LNP1: variants seen among roughly 807,000 people sequenced by gnomAD.
LNP1 encodes leukemia NUP98 fusion partner 1.
LNP1 carries 12 observed loss-of-function variants against 14.5 expected under a neutral mutation model. The observed-to-expected ratio is 0.83, with a 90% CI of 0.53 to 1.34. The LOEUF is 1.34. LNP1 is among the 40% of genes most tolerant of loss of function. LNP1 has a pLI of 0.00. For missense variants in LNP1, 198 were observed against 210.9 expected (o/e 0.94, Z 0.38); for synonymous variants, 75 against 71.4 (o/e 1.05, Z -0.26).
intron 1 of LNP1, among the ~76,000 whole-genome samples, chr3:100,413,892 C>T (rs1170570951): frequency 6.6e-6 from 1 of 152,214 alleles, no homozygotes; most frequent in Non-Finnish European, 1.5e-5. Context: ...CTTAGCATTG[C>T]TCTAGCATTG....
At chr3:100,403,287 G>C (rs1576222826) in intron 1 of LNP1, among the ~76,000 whole-genome samples, 1 of 152,216 alleles carries the variant, frequency 6.6e-6, no homozygotes, top group Non-Finnish European at 1.5e-5. Context: ...TTAAAGTAAA[G>C]AAGTAAAATA....
chr3:100,406,568 C>T (rs576001477), intron 1 of LNP1, among the ~76,000 whole-genome samples: 3 of 152,088 alleles, frequency 2.0e-5, no homozygotes, highest in East Asian at 3.9e-4. Flanking sequence ...GAGTCTTGCT[C>T]TTGTTGCCCA....
At chr3:100,444,091 C>T (rs905695906) in intron 2 of LNP1, among the ~76,000 whole-genome samples, 1 of 152,196 alleles carries the variant, frequency 6.6e-6, no homozygotes, top group African/African-American at 2.4e-5. Flanking sequence ...ATAAACATTT[C>T]AGCTCTCCAT....
At chr3:100,439,486 C>T (rs1345472191) in intron 2 of LNP1, among the ~76,000 whole-genome samples, 1 of 152,158 alleles carries the variant, frequency 6.6e-6, no homozygotes, top group Non-Finnish European at 1.5e-5. Context: ...AGTGGATCTG[C>T]CCATGTGGTG....
At chr3:100,409,404 G>T (rs935615336) in intron 1 of LNP1, among the ~76,000 whole-genome samples, 1 of 151,654 alleles carries the variant, frequency 6.6e-6, no homozygotes, top group Non-Finnish European at 1.5e-5. Context: ...CAGCACTTTG[G>T]GAGGCTGAGG....
chr3:100,440,983 A>C (rs780586423), intron 2 of LNP1, among the ~76,000 whole-genome samples: 3 of 152,198 alleles, frequency 2.0e-5, no homozygotes, highest in Non-Finnish European at 4.4e-5. Context: ...GGTCACTGGC[A>C]GGGAGGAGCC....
At chr3:100,417,384 T>C (rs948748729) in intron 1 of LNP1, among the ~76,000 whole-genome samples, 1 of 137,066 alleles carries the variant, frequency 7.3e-6, no homozygotes, top group Non-Finnish European at 1.6e-5. Context: ...TTTTTTTTTT[T>C]TTTTTTTTTC....
chr3:100,416,234 G>A (rs1483963569), intron 1 of LNP1, among the ~76,000 whole-genome samples: 1 of 152,072 alleles, frequency 6.6e-6, no homozygotes, highest in Non-Finnish European at 1.5e-5. Context: ...TTTATAAGGG[G>A]AAATTGAAAT....
chr3:100,445,395 C>T lies in LNP1; in HGVS notation c.157-6324C>T, dbSNP rs1707378130. Among the ~76,000 whole-genome samples, 3 of 152,162 alleles carry T rather than the reference C, an allele frequency of 2.0e-5. No homozygotes were observed. The South Asian group carries it at 6.2e-4, about 31-fold the overall frequency. ...AGTTGAATAGCTTTAATTTCTGGCCCTGGGTCTCAGGAATGCAGTTTATTT... is the reference window on the plus strand; with the variant it reads ...AGTTGAATAGCTTTAATTTCTGGCCTTGGGTCTCAGGAATGCAGTTTATTT... On this transcript the variant is annotated intron_variant, in intron 2 of 3. Transcript: ENST00000383693.
chr3:100,436,621 C>T (rs1276284925), intron 2 of LNP1, among the ~76,000 whole-genome samples: 1 of 152,058 alleles, frequency 6.6e-6, no homozygotes, highest in Non-Finnish European at 1.5e-5. Context: ...TTTCTCTTTA[C>T]TTCATTGTCT....
At chr3:100,407,133 C>T (rs1163916657) in intron 1 of LNP1, among the ~76,000 whole-genome samples, 1 of 152,208 alleles carries the variant, frequency 6.6e-6, no homozygotes, top group African/African-American at 2.4e-5. Flanking sequence ...GCTACCATTA[C>T]AGTATCAGAG....
At chr3:100,425,060 T>C (rs1276549368) in intron 1 of LNP1, among the ~76,000 whole-genome samples, 1 of 152,180 alleles carries the variant, frequency 6.6e-6, no homozygotes, top group African/African-American at 2.4e-5. Context: ...GGTAGTAAAT[T>C]GAAGCTGACC....
At chr3:100,423,059 T>G (rs1707159881) in intron 1 of LNP1, among the ~76,000 whole-genome samples, 1 of 151,860 alleles carries the variant, frequency 6.6e-6, no homozygotes, top group Non-Finnish European at 1.5e-5. Flanking sequence ...TAAACAAGAG[T>G]CTGACAATCA....
At chr3:100,403,995 T>C (rs115764660) in intron 1 of LNP1, among the ~76,000 whole-genome samples, 1 of 152,232 alleles carries the variant, frequency 6.6e-6, no homozygotes, top group East Asian at 1.9e-4. Flanking sequence ...ATATTAAGCA[T>C]GTACATATAG....
At chr3:100,412,800 A>G (rs1453502023) in intron 1 of LNP1, among the ~76,000 whole-genome samples, 1 of 152,168 alleles carries the variant, frequency 6.6e-6, no homozygotes, top group African/African-American at 2.4e-5. Flanking sequence ...CCTATGCTCA[A>G]TTCTGAGTCC....
chr3:100,448,283 T>G (rs1460545808), intron 2 of LNP1, among the ~76,000 whole-genome samples: 1 of 152,202 alleles, frequency 6.6e-6, no homozygotes, highest in African/African-American at 2.4e-5. Flanking sequence ...GTTTATAATT[T>G]ACTTTGAAAC....
rs778719832 is a variant in LNP1, at chr3:100,455,774, C to T, written c.388-3C>T. ...TTACCTGTTTCTGATCTTTCCCTTTCAGGGACCTGAAAGCAGAAAGGAGAG... is the reference window on the plus strand; with the variant it reads ...TTACCTGTTTCTGATCTTTCCCTTTTAGGGACCTGAAAGCAGAAAGGAGAG... On this transcript the variant is annotated splice_polypyrimidine_tract_variant and splice_region_variant and intron_variant, in intron 3 of 3. Transcript: ENST00000383693. 4.3e-6 allele frequency: 7 copies of T among 1,613,500 alleles called. No individual in the cohort carries two copies. Among genetic ancestry groups the T allele is most frequent in the African/African-American group, 4.0e-5 (3 of 74,852 alleles).
chr3:100,438,898 G>T (rs1196873884), intron 2 of LNP1, among the ~76,000 whole-genome samples: 1 of 152,188 alleles, frequency 6.6e-6, no homozygotes, highest in Admixed American at 6.5e-5. Flanking sequence ...AGCCATTTGG[G>T]ACATTGTTTT....
intron 2 of LNP1, among the ~76,000 whole-genome samples, chr3:100,450,061 G>T (rs1707423464): frequency 1.4e-5 from 2 of 146,804 alleles, no homozygotes. Flanking sequence ...TTTTCCTTTT[G>T]CTGGTCGTTT....
Sources: allele counts gnomAD v4.1 joint callset (sites outside exome capture counted in the v4.1 genomes callset), GRCh38; gene constraint gnomAD v4.1.1; transcripts MANE v1.5; gene names NCBI Gene and HGNC (gene_info 2026-07-23, HGNC 2026-07-21).